CCSER1: variants seen among roughly 807,000 people sequenced by gnomAD.
CCSER1 encodes coiled-coil serine rich protein 1.
In CCSER1, 41 loss-of-function variants were observed where a neutral mutation model predicts 82.0. The observed-to-expected ratio is 0.50, with a 90% CI of 0.39 to 0.65. The LOEUF is 0.65. Among genes scored for constraint, CCSER1 ranks in the 30% least tolerant of loss-of-function variants. The probability of loss-of-function intolerance (pLI) is 0.00; values close to 1 mark genes in which losing one functional copy is unlikely to be tolerated. For synonymous variants in CCSER1, 414 were observed against 383.9 expected, an observed-to-expected ratio of 1.08 and a Z score of -0.92; for missense variants, 1,119 against 1,064.2, an observed-to-expected ratio of 1.05 and a Z score of -0.72.
chr4:91,512,089 G>A (rs1759857210), intron 10 of CCSER1, among the ~76,000 whole-genome samples: 1 of 152,122 alleles, frequency 6.6e-6, no homozygotes, highest in Non-Finnish European at 1.5e-5. Context: ...GTGATGTTTT[G>A]TAGTTCTCCT....
chr4:90,695,879 A>C (rs567172865), intron 6 of CCSER1, among the ~76,000 whole-genome samples: 1 of 152,136 alleles, frequency 6.6e-6, no homozygotes, highest in South Asian at 2.1e-4. Context: ...GAGTCTTATT[A>C]ATGTTAATTA....
intron 9 of CCSER1, among the ~76,000 whole-genome samples, chr4:91,054,011 C>T (rs917010522): frequency 1.9e-4 from 29 of 152,290 alleles, no homozygotes; most frequent in African/African-American, 6.7e-4. Flanking sequence ...TACATTCATC[C>T]TCTTGCATGT....
At chr4:91,164,555 T>G (rs545822111) in intron 10 of CCSER1, among the ~76,000 whole-genome samples, 2 of 152,314 alleles carry the variant, frequency 1.3e-5, no homozygotes, top group African/African-American at 4.8e-5. Flanking sequence ...TCCCCGTCAC[T>G]TTGAAGTATA....
intron 10 of CCSER1, among the ~76,000 whole-genome samples, chr4:91,100,494 A>G (rs1467343892): frequency 1.3e-5 from 2 of 152,204 alleles, no homozygotes; most frequent in African/African-American, 4.8e-5. Flanking sequence ...ACACCATGAC[A>G]ATCAATGATA....
intron 10 of CCSER1, among the ~76,000 whole-genome samples, chr4:91,400,125 G>T (rs1752229169): frequency 1.3e-5 from 2 of 152,070 alleles, no homozygotes; most frequent in Non-Finnish European, 1.5e-5. Flanking sequence ...ATGTGCAGTT[G>T]CTATCACTTA....
chr4:91,345,259 C>G (rs1428110158), intron 10 of CCSER1, among the ~76,000 whole-genome samples: 1 of 151,934 alleles, frequency 6.6e-6, no homozygotes. Flanking sequence ...GGAGTGAGGG[C>G]GGGTGCTTCT....
chr4:91,213,020 T>G (rs1736951828), intron 10 of CCSER1, among the ~76,000 whole-genome samples: 1 of 152,178 alleles, frequency 6.6e-6, no homozygotes, highest in African/African-American at 2.4e-5. Flanking sequence ...GTTAATTTTC[T>G]TACTATAATG....
In CCSER1 at chr4:90,598,510, CAT is replaced by C. The variant is rs566072710; in HGVS notation, c.1725-29514_1725-29513del. Among the ~76,000 whole-genome samples, 84 of 152,288 alleles carry C rather than the reference CAT, an allele frequency of 5.5e-4. No homozygotes were observed. The East Asian group carries it at 0.015, about 27-fold the overall frequency. On this transcript the variant is annotated intron_variant, in intron 5 of 10. Transcript: ENST00000509176. ...ACCTTTTTGATAATAGCCATCCTAA[CAT>C]GTGTGAGGTAATGCTTCACAGTGGT...
At chr4:90,655,423 G>T (rs1729530081) in intron 6 of CCSER1, among the ~76,000 whole-genome samples, 1 of 151,978 alleles carries the variant, frequency 6.6e-6, no homozygotes, top group African/African-American at 2.4e-5. Context: ...CATGGTAAAA[G>T]AGAACTTTGG....
At chr4:90,590,621 T>G (rs969911940) in intron 5 of CCSER1, among the ~76,000 whole-genome samples, 2 of 152,118 alleles carry the variant, frequency 1.3e-5, no homozygotes, top group Non-Finnish European at 2.9e-5. Flanking sequence ...TGTGTGGTGT[T>G]ATTTCTGAGG....
intron 7 of CCSER1, among the ~76,000 whole-genome samples, chr4:90,788,490 G>T (rs1183009784): frequency 1.3e-5 from 2 of 152,140 alleles, no homozygotes; most frequent in African/African-American, 2.4e-5. Context: ...CTCAAGCCTG[G>T]TATCTGGTAG....
At chr4:91,139,863 G>A (rs1232179056) in intron 10 of CCSER1, among the ~76,000 whole-genome samples, 1 of 151,944 alleles carries the variant, frequency 6.6e-6, no homozygotes, top group Non-Finnish European at 1.5e-5. Flanking sequence ...CTTTTTTTCA[G>A]CCAGTCCATT....
At chr4:90,634,820 A>G (rs1293442033) in intron 6 of CCSER1, among the ~76,000 whole-genome samples, 1 of 151,828 alleles carries the variant, frequency 6.6e-6, no homozygotes, top group East Asian at 1.9e-4. Context: ...AGTTTTTGCT[A>G]CCTTCTTTAT....
At chr4:90,427,838 T>C (rs547623741) in intron 4 of CCSER1, among the ~76,000 whole-genome samples, 1 of 151,994 alleles carries the variant, frequency 6.6e-6, no homozygotes, top group African/African-American at 2.4e-5. Context: ...AGCAAAACTA[T>C]ACTCTTAATG....
chr4:90,256,420 C>T (rs1267472730), intron 1 of CCSER1, among the ~76,000 whole-genome samples: 1 of 152,080 alleles, frequency 6.6e-6, no homozygotes, highest in Non-Finnish European at 1.5e-5. Context: ...TAAGAAACTT[C>T]AAATCGGAGA....
intron 7 of CCSER1, among the ~76,000 whole-genome samples, chr4:90,729,363 A>T (rs1744287729): frequency 1.3e-5 from 2 of 152,218 alleles, no homozygotes. Context: ...TGAAGATTCA[A>T]GTTTAACATT....
At chr4:90,206,118 A>G (rs999635515) in intron 1 of CCSER1, among the ~76,000 whole-genome samples, 3 of 151,970 alleles carry the variant, frequency 2.0e-5, no homozygotes, top group African/African-American at 7.2e-5. Flanking sequence ...CTAGCATTCT[A>G]TCTATTTTGT....
intron 10 of CCSER1, among the ~76,000 whole-genome samples, chr4:91,224,814 T>C (rs1738021331): frequency 6.6e-6 from 1 of 152,044 alleles, no homozygotes; most frequent in South Asian, 2.1e-4. Context: ...ACTATTTTTT[T>C]TAACCATGAA....
intron 1 of CCSER1, among the ~76,000 whole-genome samples, chr4:90,182,363 C>T (rs1733879960): frequency 6.6e-6 from 1 of 152,034 alleles, no homozygotes; most frequent in Admixed American, 6.6e-5. Flanking sequence ...TTCTAGGAAG[C>T]AAAATTGGTT....
Sources: gnomAD v4.1 joint callset for allele counts (sites outside exome capture counted in the v4.1 genomes callset) on GRCh38, gnomAD v4.1.1 for gene constraint, MANE v1.5 for transcripts, NCBI Gene and HGNC (gene_info 2026-07-23, HGNC 2026-07-21) for gene names.